RAP1GAP2: variants seen among roughly 807,000 people sequenced by gnomAD.
RAP1GAP2 encodes RAP1 GTPase activating protein 2.
In RAP1GAP2, 27 loss-of-function variants were observed where a neutral mutation model predicts 95.0. The ratio of observed to expected loss-of-function variants is 0.28; its 90% CI spans 0.21 to 0.39. The LOEUF (loss-of-function observed/expected upper bound fraction) is 0.39. Among genes scored for constraint, RAP1GAP2 ranks in the 10% least tolerant of loss-of-function variants. The pLI, the probability that RAP1GAP2 is intolerant of heterozygous loss-of-function variation, is 1.00. For synonymous variants in RAP1GAP2, 373 were observed against 380.9 expected (o/e 0.98, Z 0.24); for missense variants, 771 against 970.0 (o/e 0.79, Z 2.72).
chr17:2,872,185 G>A (rs2072872820), intron 2 of RAP1GAP2, among the ~76,000 whole-genome samples: 1 of 127,482 alleles, frequency 7.8e-6, no homozygotes, highest in African/African-American at 3.1e-5. Context: ...TTGCACTCCA[G>A]CTTGGATGAC....
At chr17:2,991,466 A>C in intron 12 of RAP1GAP2, 69 bp downstream of exon 12, 129 of 1,222,130 alleles carry the variant, frequency 1.1e-4, no homozygotes, top group Non-Finnish European at 1.4e-4. Flanking sequence ...AAGACAGCTC[A>C]GTCCTCAGGG....
At chr17:2,786,081 A>G (rs1041235675) in intron 1 of RAP1GAP2, among the ~76,000 whole-genome samples, 3 of 151,868 alleles carry the variant, frequency 2.0e-5, no homozygotes, top group Non-Finnish European at 4.4e-5. Flanking sequence ...TTGTATTTTT[A>G]GGAGAGACGG....
intron 19 of RAP1GAP2, among the ~76,000 whole-genome samples, chr17:3,023,829 T>C (rs2151653058): frequency 6.6e-6 from 1 of 151,000 alleles, no homozygotes; most frequent in East Asian, 2.0e-4. Context: ...CGACAGGCCC[T>C]GGTGTGTGAT....
chr17:2,857,301 G>T lies in RAP1GAP2; in HGVS notation c.81-47983G>T, dbSNP rs2072182565. On this transcript the variant is annotated intron_variant, in intron 2 of 24. Transcript: ENST00000254695. The surrounding 1 kb of genome is among the most constrained non-coding windows in gnomAD (Gnocchi z 4.0). ...ACCCAGTGGTCTTTTTCATCCTCCT[G>T]CTCTCTCCAGGCCACTTGGAAATAT... Among the ~76,000 whole-genome samples, 1 of 152,142 alleles carries T rather than the reference G, an allele frequency of 6.6e-6. No individual in the cohort carries two copies. The highest frequency in any genetic ancestry group is 1.5e-5 in the Non-Finnish European group (1 of 68,018).
At chr17:2,944,183 A>C (rs80154503) in intron 3 of RAP1GAP2, among the ~76,000 whole-genome samples, 32 of 140,926 alleles carry the variant, frequency 2.3e-4, no homozygotes, top group Non-Finnish European at 3.4e-4. Flanking sequence ...AAAAAAAAAA[A>C]CCAAACCACA....
At chr17:3,025,950 A>T in intron 19 of RAP1GAP2, 58 bp from the exon 20 acceptor site, 2 of 1,309,336 alleles carry the variant, frequency 1.5e-6, no homozygotes, top group South Asian at 2.5e-5. Flanking sequence ...GGGGCCGTGG[A>T]TGGGGTGGGG....
In RAP1GAP2 at chr17:2,827,110, G is replaced by A. The variant is rs940988456; in HGVS notation, c.80+26560G>A. Among the ~76,000 whole-genome samples, 1 of 152,200 alleles carries A rather than the reference G, an allele frequency of 6.6e-6. No individual in the cohort carries two copies. Among genetic ancestry groups the A allele is most frequent in the Non-Finnish European group, 1.5e-5 (1 of 68,036 alleles). On this transcript the variant is annotated intron_variant, in intron 2 of 24. Coordinates refer to ENST00000254695, the MANE Select transcript of RAP1GAP2 (RefSeq NM_015085.5). This position sits in a 1 kb window ranked among gnomAD's most constrained non-coding sequence, Gnocchi z 4.1. ...TTTGGGGGATTTGCAAAGTAGTCACGTGGGTGAGGCAGGAGGGAAGCCTAG... is the reference window on the plus strand; with the variant it reads ...TTTGGGGGATTTGCAAAGTAGTCACATGGGTGAGGCAGGAGGGAAGCCTAG...
At chr17:2,999,278 G>A (rs563209595) in intron 14 of RAP1GAP2, among the ~76,000 whole-genome samples, 1 of 152,350 alleles carries the variant, frequency 6.6e-6, no homozygotes. Context: ...TGGTATCACA[G>A]TGCTGTGGCG....
At position 3,026,350 on chromosome 17, in the gene RAP1GAP2, G is replaced by A. The variant is rs2047116460; in HGVS notation, c.1866G>A (p.Lys622=). 1.9e-6 allele frequency: 3 copies of A among 1,548,358 alleles called. No individual in the cohort carries two copies. Among genetic ancestry groups the A allele is most frequent in the South Asian group, 1.2e-5 (1 of 83,974 alleles). ...SSPEICPNKE[K]PFMKLKENGR... is the part of the protein sequence containing the mutation. ...TGGCCTCACTTCCTATTCCCTGCAG[G>A]CCCTTCATGAAGTTGAAGGAAAACG... Residue 622 remains lysine (K), a splice_region_variant and synonymous_variant, in exon 21 of 25, where the codon AAG becomes AAA. Coordinates refer to ENST00000254695, the MANE Select transcript of RAP1GAP2 (RefSeq NM_015085.5).
At chr17:2,820,690 C>T (rs914325948) in intron 2 of RAP1GAP2, among the ~76,000 whole-genome samples, 1 of 151,430 alleles carries the variant, frequency 6.6e-6, no homozygotes, top group Admixed American at 6.6e-5. Context: ...TCCCCACGTC[C>T]TCACTGATGT....
In RAP1GAP2 at chr17:2,926,927, AC is replaced by A. The variant is rs370016857; in HGVS notation, c.165+21562del. ...AGGTTGAGGCAGGATAATTGCTTGA[AC>A]CCGGGAGGCGGAGGTTGCAGTGAGC... is the stretch of plus-strand genomic sequence containing the variant. On this transcript the variant is annotated intron_variant, in intron 3 of 24. Transcript: ENST00000254695. Among the ~76,000 whole-genome samples the A allele has an allele frequency of 5.0e-3, 694 of 139,988 alleles. 3 individuals carry two copies. The highest frequency in any genetic ancestry group is 0.018 in the African/African-American group (663 of 37,024). The allele number at this position is 139,988 out of a possible 152,430, so 91.8% of individuals were successfully genotyped here.
At chr17:2,985,571 A>G (rs1038889267) in intron 11 of RAP1GAP2, among the ~76,000 whole-genome samples, 1 of 152,210 alleles carries the variant, frequency 6.6e-6, no homozygotes. Flanking sequence ...GAAATTTGCA[A>G]ACACCAGGGT....
At chr17:2,821,673 C>T (rs1377488467) in intron 2 of RAP1GAP2, among the ~76,000 whole-genome samples, 1 of 152,110 alleles carries the variant, frequency 6.6e-6, no homozygotes. Flanking sequence ...CTTGCCCCGC[C>T]AAGTGTGGTG....
chr17:2,977,736 G>T (rs2151527129), intron 8 of RAP1GAP2, among the ~76,000 whole-genome samples: 1 of 120,826 alleles, frequency 8.3e-6, no homozygotes, highest in African/African-American at 3.3e-5. Flanking sequence ...CAGAGTGAGA[G>T]ACTCCGTCTT....
chr17:2,970,848 T>A (rs2044837571), intron 8 of RAP1GAP2, among the ~76,000 whole-genome samples: 1 of 152,042 alleles, frequency 6.6e-6, no homozygotes, highest in Admixed American at 6.6e-5. Flanking sequence ...AAGACCAGCC[T>A]GGGCAACACA....
intron 1 of RAP1GAP2, among the ~76,000 whole-genome samples, chr17:2,769,231 C>CAAAAAAAAA (rs2068337674): frequency 1.6e-5 from 1 of 61,374 alleles, no homozygotes; most frequent in Admixed American, 2.5e-4. Context: ...AACCATTTCT[C>CAAAAAAAAA]TAAAAAAAAA....
In RAP1GAP2 at chr17:3,032,361, C is replaced by A. The variant is rs372007542; in HGVS notation, c.2185-50C>A. The stretch of plus-strand genomic sequence containing the variant: ...GTGCACAGAGCCGCCGTGGAAGGGA[C>A]CTGTGCTGTCTGGTTATTTAAACTC... On this transcript the variant is annotated intron_variant, in intron 23 of 24. Transcript: ENST00000254695. 167 of 1,611,992 alleles carry A rather than the reference C, an allele frequency of 1.0e-4. 1 individual carries two copies. The Middle Eastern group carries it at 2.5e-3, about 24-fold the overall frequency.
upstream of RAP1GAP2, among the ~76,000 whole-genome samples, chr17:2,794,560 G>A (rs1190466532): frequency 6.6e-6 from 1 of 152,218 alleles, no homozygotes; most frequent in Non-Finnish European, 1.5e-5. Context: ...GTTGGGGGAA[G>A]CCTCCGGGCT....
chr17:2,765,342 C>G (rs776847819), intron 1 of RAP1GAP2, among the ~76,000 whole-genome samples: 1 of 152,012 alleles, frequency 6.6e-6, no homozygotes. Flanking sequence ...TTACCTGAGC[C>G]GGGAGTGGTA....
Sources: gnomAD v4.1 joint callset for allele counts (sites outside exome capture counted in the v4.1 genomes callset) on GRCh38, gnomAD v4.1.1 for gene constraint, Gnocchi (gnomAD v3.1) non-coding constraint, MANE v1.5 for transcripts, NCBI Gene and HGNC (gene_info 2026-07-23, HGNC 2026-07-21) for gene names.